GALNTL6: variants seen among roughly 807,000 people sequenced by gnomAD.
The protein encoded by GALNTL6 is polypeptide N-acetylgalactosaminyltransferase like 6.
GALNTL6 carries 46 observed loss-of-function variants against 73.7 expected under a neutral mutation model. The ratio of observed to expected loss-of-function variants is 0.62; its 90% confidence interval spans 0.49 to 0.80. GALNTL6 has a LOEUF of 0.80. GALNTL6 is among the 30% of genes least tolerant of loss of function. The pLI is 0.00. For missense variants in GALNTL6, 604 were observed against 755.0 expected, an observed-to-expected ratio of 0.80 and a Z score of 2.34; for synonymous variants, 259 against 263.7, an observed-to-expected ratio of 0.98 and a Z score of 0.17.
chr4:172,849,880 C>T (rs185607593), intron 7 of GALNTL6, among the ~76,000 whole-genome samples: 12 of 152,184 alleles, frequency 7.9e-5, no homozygotes, highest in Middle Eastern at 3.4e-3. Context: ...GCTGAGGCAA[C>T]GGAGAAGGAA....
chr4:171,930,362 C>T (rs1738139476), intron 2 of GALNTL6, among the ~76,000 whole-genome samples: 1 of 152,202 alleles, frequency 6.6e-6, no homozygotes, highest in African/African-American at 2.4e-5. Context: ...GCTACTGAGT[C>T]CACCCAGAAC....
chr4:171,989,275 G>A (rs1043086235), intron 2 of GALNTL6, among the ~76,000 whole-genome samples: 29 of 152,170 alleles, frequency 1.9e-4, no homozygotes, highest in South Asian at 6.2e-4. Context: ...CTTCTGAGGC[G>A]ATCCGGCAGT....
intron 5 of GALNTL6, among the ~76,000 whole-genome samples, chr4:172,731,987 A>G (rs997071255): frequency 3.9e-5 from 6 of 151,914 alleles, no homozygotes; most frequent in African/African-American, 1.5e-4. Flanking sequence ...AATGTTCTAT[A>G]TTCAGTGAAA....
At position 172,323,619 on chromosome 4, in the gene GALNTL6, A is replaced by C. The variant is rs554048750; in HGVS notation, c.386+11867A>C. On this transcript the variant is annotated intron_variant, in intron 4 of 12. Transcript: ENST00000506823. ...AATTTGCTATCTTTCTAAACATGTC[A>C]GATCCTTTATATCGATTTTTTAAAT... Among the ~76,000 whole-genome samples, 9 of 152,272 alleles carry C rather than the reference A, an allele frequency of 5.9e-5. No homozygotes were observed. In the East Asian group the frequency reaches 1.7e-3, roughly 29 times the overall value.
intron 2 of GALNTL6, among the ~76,000 whole-genome samples, chr4:171,839,049 T>C (rs751694648): frequency 6.6e-6 from 1 of 152,034 alleles, no homozygotes; most frequent in Non-Finnish European, 1.5e-5. Flanking sequence ...AGCTTAAACA[T>C]AAATAAAAGT....
chr4:172,300,059 G>T (rs1739852281), intron 3 of GALNTL6, among the ~76,000 whole-genome samples: 1 of 152,094 alleles, frequency 6.6e-6, no homozygotes, highest in Non-Finnish European at 1.5e-5. Flanking sequence ...CTCCTGTATT[G>T]GGTGCATATA....
intron 8 of GALNTL6, among the ~76,000 whole-genome samples, chr4:172,930,250 C>A (rs1175351188): frequency 4.6e-5 from 7 of 151,972 alleles, no homozygotes; most frequent in African/African-American, 1.7e-4. Context: ...TGCACTCCAA[C>A]CTAGGCAACA....
chr4:172,027,630 C>T (rs1741629516), intron 2 of GALNTL6, among the ~76,000 whole-genome samples: 2 of 152,008 alleles, frequency 1.3e-5, no homozygotes. Context: ...AATCACATGT[C>T]TCTCACTTTA....
chr4:172,859,030 A>ATTTTCAGG (rs1400026297), intron 7 of GALNTL6, among the ~76,000 whole-genome samples: 84 of 143,080 alleles, frequency 5.9e-4, no homozygotes, highest in African/African-American at 2.0e-3. Context: ...AATGAAATGC[A>ATTTTCAGG]AGCTGGAGTG....
At chr4:172,345,769 G>A (rs181619840) in intron 4 of GALNTL6, among the ~76,000 whole-genome samples, 27 of 152,314 alleles carry the variant, frequency 1.8e-4, no homozygotes, top group East Asian at 1.5e-3. Context: ...AATGTAGAGT[G>A]GTGCGGTTCA....
chr4:172,586,645 C>A (rs2110987366), intron 5 of GALNTL6, among the ~76,000 whole-genome samples: 1 of 152,236 alleles, frequency 6.6e-6, no homozygotes, highest in South Asian at 2.1e-4. Flanking sequence ...TAGCACAAGA[C>A]CATCTTCAAA....
chr4:172,278,089 A>G (rs1267284046), intron 3 of GALNTL6, among the ~76,000 whole-genome samples: 1 of 152,132 alleles, frequency 6.6e-6, no homozygotes. Flanking sequence ...TCATTGATTT[A>G]TATTATCATC....
intron 2 of GALNTL6, among the ~76,000 whole-genome samples, chr4:172,094,030 G>T (rs576340878): frequency 6.6e-6 from 1 of 152,286 alleles, no homozygotes; most frequent in East Asian, 1.9e-4. Flanking sequence ...CACAAAACCA[G>T]TCCCTGGTGC....
intron 5 of GALNTL6, among the ~76,000 whole-genome samples, chr4:172,657,501 A>G (rs1285733406): frequency 6.6e-6 from 1 of 152,224 alleles, no homozygotes; most frequent in Non-Finnish European, 1.5e-5. Flanking sequence ...GAAAATGTTC[A>G]TACCTTAATA....
chr4:173,017,689 T>C (rs1045442672), intron 11 of GALNTL6, among the ~76,000 whole-genome samples: 1 of 152,124 alleles, frequency 6.6e-6, no homozygotes, highest in African/African-American at 2.4e-5. Context: ...ATAATAATAA[T>C]ACATAAAACA....
chr4:171,994,152 G>A lies in GALNTL6; in HGVS notation c.138+179434G>A, dbSNP rs539723456. 2.6e-5 allele frequency among the ~76,000 whole-genome samples: 4 copies of A among 152,142 alleles called. No individual in the cohort carries two copies. In the South Asian group the frequency reaches 8.3e-4, roughly 32 times the overall value. ...AGAAGTATGGTGATTGAAACTACCA[G>A]TATCAATCAAGATGGTCTAGGATAT... On this transcript the variant is annotated intron_variant, in intron 2 of 12. Coordinates refer to ENST00000506823, the MANE Select transcript of GALNTL6 (RefSeq NM_001034845.3).
chr4:171,862,303 T>G, intron 2 of GALNTL6, among the ~76,000 whole-genome samples: 1 of 152,108 alleles, frequency 6.6e-6, no homozygotes, highest in East Asian at 1.9e-4. Context: ...TTGGTAGTAG[T>G]TTTTCATTCT....
intron 5 of GALNTL6, among the ~76,000 whole-genome samples, chr4:172,670,206 T>C (rs1731897860): frequency 1.3e-5 from 2 of 152,158 alleles, no homozygotes; most frequent in South Asian, 4.1e-4. Flanking sequence ...ATTTCTCATA[T>C]TGGGTCTTTA....
intron 7 of GALNTL6, among the ~76,000 whole-genome samples, chr4:172,821,790 T>C (rs1741944178): frequency 6.6e-6 from 1 of 152,200 alleles, no homozygotes; most frequent in Non-Finnish European, 1.5e-5. Flanking sequence ...AAGATCAATC[T>C]CCTTTGAAAG....
Sources: allele counts gnomAD v4.1 joint callset (sites outside exome capture counted in the v4.1 genomes callset), GRCh38; gene constraint gnomAD v4.1.1; transcripts MANE v1.5; gene names NCBI Gene and HGNC (gene_info 2026-07-23, HGNC 2026-07-21).